NELL1: variants seen among roughly 807,000 people sequenced by gnomAD.
NELL1 encodes the protein protein kinase C-binding protein NELL1.
Under a neutral mutation model 107.4 loss-of-function variants are expected in NELL1, and 76 were observed. The ratio of observed to expected loss-of-function variants is 0.71; its 90% CI spans 0.59 to 0.86. The LOEUF is 0.86. Among genes scored for constraint, NELL1 ranks in the 40% least tolerant of loss-of-function variants. NELL1 has a pLI of 0.00. For missense variants in NELL1, 1,024 were observed against 1,005.5 expected, an observed-to-expected ratio of 1.02 and a Z score of -0.25; for synonymous variants, 353 against 341.2, an observed-to-expected ratio of 1.03 and a Z score of -0.38.
intron 4 of NELL1, among the ~76,000 whole-genome samples, chr11:20,876,634 G>A (rs1467992900): frequency 3.3e-5 from 5 of 152,140 alleles, no homozygotes; most frequent in South Asian, 4.2e-4. Flanking sequence ...GCGCAGTGGC[G>A]GGTGCCTGTA....
At chr11:21,102,893 C>A (rs1854856505) in intron 12 of NELL1, among the ~76,000 whole-genome samples, 1 of 152,130 alleles carries the variant, frequency 6.6e-6, no homozygotes, top group Non-Finnish European at 1.5e-5. Flanking sequence ...TAAGAACCAG[C>A]TTCAGTAGTT....
At chr11:20,979,074 C>T (rs972322758) in intron 12 of NELL1, among the ~76,000 whole-genome samples, 2 of 152,014 alleles carry the variant, frequency 1.3e-5, no homozygotes, top group African/African-American at 4.8e-5. Flanking sequence ...TCTTAAGTGC[C>T]CTTAGTTTTT....
intron 14 of NELL1, among the ~76,000 whole-genome samples, chr11:21,231,590 T>C (rs891810361): frequency 2.8e-4 from 42 of 152,318 alleles, no homozygotes; most frequent in African/African-American, 1.0e-3. Flanking sequence ...TTCAGAATTA[T>C]GTTACCTCAT....
At chr11:21,154,300 A>G (rs1323600189) in intron 13 of NELL1, among the ~76,000 whole-genome samples, 1 of 152,132 alleles carries the variant, frequency 6.6e-6, no homozygotes, top group Non-Finnish European at 1.5e-5. Context: ...CTCAGAGAAT[A>G]TTTTCTTACC....
At chr11:20,929,691 G>C (rs1176320681) in intron 9 of NELL1, among the ~76,000 whole-genome samples, 1 of 152,078 alleles carries the variant, frequency 6.6e-6, no homozygotes, top group Non-Finnish European at 1.5e-5. Flanking sequence ...ACTATTAGGG[G>C]CCAAGCACAG....
chr11:21,524,025 A>C (rs148447278), intron 15 of NELL1, among the ~76,000 whole-genome samples: 1 of 152,190 alleles, frequency 6.6e-6, no homozygotes, highest in South Asian at 2.1e-4. Context: ...TCTGTTCACT[A>C]TTCAACTCAG....
At chr11:21,355,787 G>A (rs1196924695) in intron 14 of NELL1, among the ~76,000 whole-genome samples, 2 of 152,084 alleles carry the variant, frequency 1.3e-5, no homozygotes, top group Non-Finnish European at 2.9e-5. Flanking sequence ...TTCAAATTCA[G>A]CATCAGTTCT....
At chr11:21,319,635 C>A (rs141728817) in intron 14 of NELL1, among the ~76,000 whole-genome samples, 324 of 151,672 alleles carry the variant, frequency 2.1e-3, no homozygotes, top group Middle Eastern at 0.01. Context: ...TGTCACCGCG[C>A]CCAGCCGGAA....
At chr11:21,052,482 T>C (rs773929730) in intron 12 of NELL1, among the ~76,000 whole-genome samples, 1 of 152,204 alleles carries the variant, frequency 6.6e-6, no homozygotes, top group Non-Finnish European at 1.5e-5. Context: ...ATTCTTCATA[T>C]ATGTTGGGAG....
At chr11:21,536,586 T>C (rs1023720723) in intron 16 of NELL1, among the ~76,000 whole-genome samples, 1 of 152,188 alleles carries the variant, frequency 6.6e-6, no homozygotes, top group African/African-American at 2.4e-5. Flanking sequence ...TTGTACAATA[T>C]ATTTGCTCTC....
At chr11:21,301,207 G>T (rs534318787) in intron 14 of NELL1, among the ~76,000 whole-genome samples, 1 of 152,026 alleles carries the variant, frequency 6.6e-6, no homozygotes, top group African/African-American at 2.4e-5. Context: ...ATAAACATAC[G>T]TGTGCATGTG....
intron 4 of NELL1, among the ~76,000 whole-genome samples, chr11:20,879,826 G>A (rs1483079354): frequency 6.6e-6 from 1 of 151,854 alleles, no homozygotes; most frequent in Non-Finnish European, 1.5e-5. Context: ...AAAAGTTTAC[G>A]ATTTATGGCC....
chr11:21,539,773 C>T (rs1018894726), intron 16 of NELL1, among the ~76,000 whole-genome samples: 4 of 151,294 alleles, frequency 2.6e-5, no homozygotes, highest in African/African-American at 9.7e-5. Flanking sequence ...TACAGGATAC[C>T]GATAGGGTGT....
At chr11:20,918,527 C>T (rs1850307728) in intron 6 of NELL1, among the ~76,000 whole-genome samples, 1 of 151,954 alleles carries the variant, frequency 6.6e-6, no homozygotes, top group Non-Finnish European at 1.5e-5. Flanking sequence ...ACTCACAGTT[C>T]CACATGGATG....
chr11:21,141,480 T>C (rs1386062899), intron 13 of NELL1, among the ~76,000 whole-genome samples: 1 of 152,186 alleles, frequency 6.6e-6, no homozygotes, highest in Non-Finnish European at 1.5e-5. Context: ...CCTCACATAA[T>C]AAAAACCAGT....
At chr11:21,093,434 A>G (rs1854566630) in intron 12 of NELL1, among the ~76,000 whole-genome samples, 1 of 152,140 alleles carries the variant, frequency 6.6e-6, no homozygotes, top group Non-Finnish European at 1.5e-5. Flanking sequence ...TTGGTCCCCA[A>G]CAAAGATTGT....
intron 13 of NELL1, among the ~76,000 whole-genome samples, chr11:21,177,506 G>A (rs4338525): frequency 0.29 from 44,068 of 151,414 alleles, 6,763 homozygotes; most frequent in Middle Eastern, 0.36. Context: ...TTATCTAGTC[G>A]TCTGTTGATG....
intron 15 of NELL1, among the ~76,000 whole-genome samples, chr11:21,489,189 T>A (rs1187810469): frequency 6.6e-6 from 1 of 151,234 alleles, no homozygotes; most frequent in Non-Finnish European, 1.5e-5. Flanking sequence ...AGGAAATGGA[T>A]AAATTCCTGG....
intron 15 of NELL1, among the ~76,000 whole-genome samples, chr11:21,425,628 A>C (rs1460885645): frequency 6.6e-6 from 1 of 152,166 alleles, no homozygotes; most frequent in East Asian, 1.9e-4. Flanking sequence ...CAAGGAAACC[A>C]ATTGTGCTAT....
Sources: gnomAD v4.1 joint callset for allele counts (sites outside exome capture counted in the v4.1 genomes callset) on GRCh38, gnomAD v4.1.1 for gene constraint, MANE v1.5 for transcripts, NCBI Gene and HGNC (gene_info 2026-07-23, HGNC 2026-07-21) for gene names.